SLC25A21: variants seen among roughly 807,000 people sequenced by gnomAD.
The protein encoded by SLC25A21 is solute carrier family 25 member 21.
A neutral mutation model predicts 43.8 loss-of-function variants in SLC25A21; 47 were observed. That is an observed-to-expected ratio of 1.07 (90% confidence interval 0.85 to 1.37). The LOEUF is 1.37. SLC25A21 is among the 40% of genes most tolerant of loss of function. SLC25A21 has a pLI of 0.00. For synonymous variants in SLC25A21, 131 were observed against 121.3 expected (o/e 1.08, Z -0.52); for missense variants, 352 against 350.2 (o/e 1.00, Z -0.04).
intron 1 of SLC25A21, among the ~76,000 whole-genome samples, chr14:37,087,086 C>A (rs887649111): frequency 6.6e-6 from 1 of 152,130 alleles, no homozygotes; most frequent in Non-Finnish European, 1.5e-5. Flanking sequence ...TTAGACTAGA[C>A]GCTTTTCGTG....
chr14:37,137,887 T>C (rs951257961), intron 1 of SLC25A21, among the ~76,000 whole-genome samples: 1 of 152,164 alleles, frequency 6.6e-6, no homozygotes, highest in African/African-American at 2.4e-5. Flanking sequence ...CTCAATAAAA[T>C]ATGTTGAAAA....
intron 1 of SLC25A21, among the ~76,000 whole-genome samples, chr14:37,007,938 C>T (rs1045736930): frequency 2.1e-4 from 26 of 125,898 alleles, no homozygotes; most frequent in African/African-American, 8.3e-4. Flanking sequence ...AACTACCAAT[C>T]CAAAATGATC....
chr14:36,977,699 T>C (rs1409333506), intron 1 of SLC25A21, among the ~76,000 whole-genome samples: 1 of 152,196 alleles, frequency 6.6e-6, no homozygotes, highest in Non-Finnish European at 1.5e-5. Flanking sequence ...TATAACAGTA[T>C]ACGACACTAT....
intron 1 of SLC25A21, among the ~76,000 whole-genome samples, chr14:37,017,805 C>T (rs952597919): frequency 2.6e-5 from 4 of 151,874 alleles, no homozygotes; most frequent in African/African-American, 9.7e-5. Flanking sequence ...CAACGACATG[C>T]ATCAAGGAAA....
At chr14:37,060,856 C>T (rs967921438) in intron 1 of SLC25A21, among the ~76,000 whole-genome samples, 5 of 152,062 alleles carry the variant, frequency 3.3e-5, no homozygotes, top group Admixed American at 2.6e-4. Context: ...GGGGAGAGCC[C>T]GGAAGCCAGT....
At chr14:36,941,015 A>G (rs1892542886) in intron 1 of SLC25A21, among the ~76,000 whole-genome samples, 1 of 152,086 alleles carries the variant, frequency 6.6e-6, no homozygotes, top group Admixed American at 6.6e-5. Flanking sequence ...CCTACAGATT[A>G]AAAGAAACCA....
chr14:37,123,678 C>G (rs1020319466), intron 1 of SLC25A21, among the ~76,000 whole-genome samples: 3 of 151,876 alleles, frequency 2.0e-5, no homozygotes, highest in Non-Finnish European at 4.4e-5. Flanking sequence ...AATTGTATAA[C>G]ATAAATCATG....
chr14:36,812,981 T>C (rs966123577), intron 3 of SLC25A21, among the ~76,000 whole-genome samples: 2 of 152,202 alleles, frequency 1.3e-5, no homozygotes, highest in Non-Finnish European at 2.9e-5. Flanking sequence ...ACTGTTACAT[T>C]TTTGAAAGAT....
intron 2 of SLC25A21, among the ~76,000 whole-genome samples, chr14:36,874,157 G>A (rs901832338): frequency 3.3e-5 from 5 of 152,138 alleles, no homozygotes; most frequent in Admixed American, 2.6e-4. Flanking sequence ...TGACCAGCCT[G>A]AATTATCAAA....
intron 1 of SLC25A21, among the ~76,000 whole-genome samples, chr14:36,978,403 TAATTAAA>T (rs1959932023): frequency 6.6e-6 from 1 of 152,204 alleles, no homozygotes; most frequent in African/African-American, 2.4e-5. Flanking sequence ...GTGCATATCT[TAATTAAA>T]AATATTTTAT....
In SLC25A21 at chr14:36,680,148, T is replaced by C; in HGVS notation, c.*510A>G. ...TCTTAAAAGGTCATTTTAGTGCACT[T>C]TAAAAAATTTTTCTTGTGCTCTTTA... On this transcript the variant is annotated 3_prime_UTR_variant, in exon 10 of 10. Transcript: ENST00000331299. 1.2e-6 allele frequency: 1 copy of C among 848,660 alleles called. No individual in the cohort carries two copies. Among genetic ancestry groups the C allele is most frequent in the Non-Finnish European group, 1.4e-6 (1 of 706,098 alleles). 52.6% of individuals were successfully genotyped at this position (848,660 alleles called of 1,614,324 possible). A position where few individuals can be genotyped will look rare whatever the true frequency, so the allele number is the denominator to read the frequency against.
At chr14:36,935,877 C>CAT (rs1459399591) in intron 1 of SLC25A21, among the ~76,000 whole-genome samples, 2 of 152,060 alleles carry the variant, frequency 1.3e-5, no homozygotes, top group East Asian at 3.9e-4. Context: ...CTTTCCTTTG[C>CAT]ATATGTATGG....
chr14:37,079,260 C>G (rs1420522786), intron 1 of SLC25A21, among the ~76,000 whole-genome samples: 4 of 152,152 alleles, frequency 2.6e-5, no homozygotes, highest in Admixed American at 2.0e-4. Flanking sequence ...TAGTGAAGAA[C>G]AGCCTACCTG....
intron 1 of SLC25A21, among the ~76,000 whole-genome samples, chr14:37,111,940 A>G (rs1963026999): frequency 6.6e-6 from 1 of 152,214 alleles, no homozygotes. Context: ...AAATCGTGAA[A>G]TGGAAAAATT....
intron 1 of SLC25A21, among the ~76,000 whole-genome samples, chr14:37,032,727 A>G (rs1961245715): frequency 6.6e-6 from 1 of 151,594 alleles, no homozygotes; most frequent in African/African-American, 2.4e-5. Flanking sequence ...TGTAACTGTC[A>G]TTATAATTTA....
intron 1 of SLC25A21, among the ~76,000 whole-genome samples, chr14:36,933,927 T>C (rs1342182104): frequency 6.6e-6 from 1 of 152,170 alleles, no homozygotes; most frequent in Non-Finnish European, 1.5e-5. Context: ...GAGAAGATTT[T>C]TGACTCCCAA....
intron 3 of SLC25A21, among the ~76,000 whole-genome samples, chr14:36,775,336 T>C (rs1158159830): frequency 1.3e-5 from 2 of 152,160 alleles, no homozygotes; most frequent in African/African-American, 4.8e-5. Flanking sequence ...CTACACACAA[T>C]AAGAACTGTC....
At chr14:36,729,587 C>G in intron 4 of SLC25A21, 21 bp from the exon 5 acceptor site, 1 of 1,595,130 alleles carries the variant, frequency 6.3e-7, no homozygotes, top group East Asian at 2.2e-5. Context: ...AAACCAAACT[C>G]ACAGATTTAT....
chr14:37,061,508 T>G (rs530669485), intron 1 of SLC25A21, among the ~76,000 whole-genome samples: 47 of 135,762 alleles, frequency 3.5e-4, no homozygotes, highest in African/African-American at 1.5e-3. Flanking sequence ...CCAACATGAT[T>G]TTTTCCCCTC....
Sources: allele counts gnomAD v4.1 joint callset (sites outside exome capture counted in the v4.1 genomes callset), GRCh38; gene constraint gnomAD v4.1.1; transcripts MANE v1.5; gene names NCBI Gene and HGNC (gene_info 2026-07-23, HGNC 2026-07-21).